The following RABGAP1L variants were observed in gnomAD, a reference collection of about 807,000 sequenced individuals.
The protein encoded by RABGAP1L is RAB GTPase activating protein 1 like.
Under a neutral mutation model 137.7 loss-of-function variants are expected in RABGAP1L, and 63 were observed. The ratio of observed to expected loss-of-function variants is 0.46; its 90% CI spans 0.37 to 0.56. RABGAP1L has a LOEUF of 0.56. Among genes scored for constraint, RABGAP1L ranks in the 20% least tolerant of loss-of-function variants. RABGAP1L has a pLI of 0.00. For missense variants in RABGAP1L, 1,095 were observed against 1,244.0 expected (o/e 0.88, Z 1.80); for synonymous variants, 431 against 433.7 (o/e 0.99, Z 0.08).
At chr1:174,691,031 C>T (rs567729720) in intron 15 of RABGAP1L, among the ~76,000 whole-genome samples, 2 of 151,974 alleles carry the variant, frequency 1.3e-5, no homozygotes, top group Admixed American at 6.6e-5. Flanking sequence ...GATGTTTCAC[C>T]ATGTGGGCCA....
chr1:174,349,733 C>A (rs1682895929), intron 11 of RABGAP1L, among the ~76,000 whole-genome samples: 1 of 136,406 alleles, frequency 7.3e-6, no homozygotes, highest in African/African-American at 2.7e-5. Flanking sequence ...GGGCGGGGGG[C>A]TGACCCCCCC....
chr1:174,212,542 C>T (rs1668975713), intron 1 of RABGAP1L, among the ~76,000 whole-genome samples: 1 of 151,716 alleles, frequency 6.6e-6, no homozygotes, highest in African/African-American at 2.4e-5. Context: ...ACAGCTAAAG[C>T]AGTACTAAGA....
At chr1:174,306,264 C>T (rs975432941) in intron 11 of RABGAP1L, among the ~76,000 whole-genome samples, 26 of 152,144 alleles carry the variant, frequency 1.7e-4, no homozygotes, top group Admixed American at 1.7e-3. Context: ...ATTTATAATC[C>T]TTTGGGTATA....
intron 19 of RABGAP1L, among the ~76,000 whole-genome samples, chr1:174,905,461 C>T (rs1249202442): frequency 6.6e-6 from 1 of 152,070 alleles, no homozygotes; most frequent in Non-Finnish European, 1.5e-5. Flanking sequence ...CTAAAGAATA[C>T]CTTTCCTGAA....
chr1:174,563,827 G>A (rs1402030735), intron 13 of RABGAP1L, among the ~76,000 whole-genome samples: 1 of 152,148 alleles, frequency 6.6e-6, no homozygotes, highest in African/African-American at 2.4e-5. Flanking sequence ...TGGGGGGAAA[G>A]CTGTTGAATT....
At chr1:174,250,799 C>CT (rs948095535) in intron 6 of RABGAP1L, among the ~76,000 whole-genome samples, 167 bp downstream of exon 6, 18 of 149,170 alleles carry the variant, frequency 1.2e-4, no homozygotes, top group South Asian at 2.1e-4. Context: ...TATTTCTTTC[C>CT]TTTTTTTTTT....
At chr1:174,535,658 A>G (rs1664832940) in intron 13 of RABGAP1L, among the ~76,000 whole-genome samples, 1 of 152,150 alleles carries the variant, frequency 6.6e-6, no homozygotes, top group African/African-American at 2.4e-5. Context: ...CCTGGAAGTC[A>G]TGCTTTCATA....
chr1:174,548,933 A>C (rs183006770), intron 13 of RABGAP1L, among the ~76,000 whole-genome samples: 2 of 152,328 alleles, frequency 1.3e-5, no homozygotes, highest in African/African-American at 4.8e-5. Context: ...TTCAATTATG[A>C]AAATGTTTTA....
At chr1:174,598,217 A>C (rs189332873) in intron 13 of RABGAP1L, among the ~76,000 whole-genome samples, 1 of 151,670 alleles carries the variant, frequency 6.6e-6, no homozygotes. Context: ...AGTCCCAGCT[A>C]CTTGGGAGGC....
At chr1:174,308,744 A>T (rs1266282037) in intron 11 of RABGAP1L, among the ~76,000 whole-genome samples, 2 of 151,954 alleles carry the variant, frequency 1.3e-5, no homozygotes, top group African/African-American at 2.4e-5. Context: ...GTCTGTTTTT[A>T]TGCTGATCTC....
chr1:174,854,457 T>G (rs1001191509), intron 19 of RABGAP1L, among the ~76,000 whole-genome samples: 1 of 152,116 alleles, frequency 6.6e-6, no homozygotes, highest in African/African-American at 2.4e-5. Context: ...AGATTATTCC[T>G]TTAGAAACCA....
At chr1:174,809,272 C>T (rs1347661438) in intron 18 of RABGAP1L, among the ~76,000 whole-genome samples, 1 of 152,178 alleles carries the variant, frequency 6.6e-6, no homozygotes, top group Non-Finnish European at 1.5e-5. Context: ...AAAGGACAGC[C>T]ACAGGGAACT....
Position 174,962,202 on chromosome 1 carries a change from C to CG in RABGAP1L, c.2433+4653_2433+4654insG, listed in dbSNP as rs1553295774. Reference sequence around the variant, plus strand: ...AAAATAAAAATAAAAATACACCCCCCCCCCACACACACACACAGCTAGTTA... The same window carrying CG: ...AAAATAAAAATAAAAATACACCCCCCGCCCCACACACACACACAGCTAGTTA... On this transcript the variant is annotated intron_variant, in intron 20 of 25. Coordinates refer to ENST00000681986, the MANE Select transcript of RABGAP1L (RefSeq NM_001366446.1). Among the ~76,000 whole-genome samples, 7 of 109,396 alleles carry CG rather than the reference C, an allele frequency of 6.4e-5. 1 individual carries two copies. The highest frequency in any genetic ancestry group is 3.4e-4 in the South Asian group (1 of 2,970). 71.8% of individuals were successfully genotyped at this position (109,396 alleles called of 152,430 possible). A position where few individuals can be genotyped will look rare whatever the true frequency, so the allele number is the denominator to read the frequency against.
chr1:174,896,477 C>T (rs1310916378), intron 19 of RABGAP1L, among the ~76,000 whole-genome samples: 1 of 152,108 alleles, frequency 6.6e-6, no homozygotes, highest in Non-Finnish European at 1.5e-5. Context: ...GCTTTTGTTG[C>T]CATTGCTTTT....
intron 13 of RABGAP1L, among the ~76,000 whole-genome samples, chr1:174,481,744 A>C (rs542438590): frequency 5.9e-5 from 9 of 152,294 alleles, no homozygotes; most frequent in African/African-American, 2.2e-4. Context: ...GGTAGGGAGA[A>C]TAATGGCACC....
intron 19 of RABGAP1L, among the ~76,000 whole-genome samples, chr1:174,928,353 T>C (rs949335016): frequency 1.3e-5 from 2 of 152,006 alleles, no homozygotes; most frequent in Non-Finnish European, 2.9e-5. Context: ...TCTTTATTCA[T>C]TTATGTATTT....
chr1:174,960,279 G>C (rs1420242269), intron 20 of RABGAP1L, among the ~76,000 whole-genome samples: 1 of 152,142 alleles, frequency 6.6e-6, no homozygotes, highest in Non-Finnish European at 1.5e-5. Flanking sequence ...ATATGTAAAA[G>C]GGCTATCACA....
intron 1 of RABGAP1L, among the ~76,000 whole-genome samples, chr1:174,196,819 T>C (rs1215222101): frequency 6.6e-6 from 1 of 152,166 alleles, no homozygotes; most frequent in Admixed American, 6.5e-5. Context: ...ATTCATTGTT[T>C]AGGCTAGTAT....
At chr1:174,889,365 G>A (rs1444410843) in intron 19 of RABGAP1L, among the ~76,000 whole-genome samples, 2 of 151,564 alleles carry the variant, frequency 1.3e-5, no homozygotes, top group African/African-American at 2.4e-5. Context: ...CTTGTGGTCC[G>A]CCCGCCTCAG....
Sources: allele counts gnomAD v4.1 joint callset (sites outside exome capture counted in the v4.1 genomes callset), GRCh38; gene constraint gnomAD v4.1.1; transcripts MANE v1.5; gene names NCBI Gene and HGNC (gene_info 2026-07-23, HGNC 2026-07-21).